KCNMA1: variants seen among roughly 807,000 people sequenced by gnomAD.
The protein encoded by KCNMA1 is Calcium-activated potassium channel subunit alpha-1.
In KCNMA1, 29 loss-of-function variants were observed where a neutral mutation model predicts 140.0. The observed-to-expected ratio is 0.21, with a 90% CI of 0.15 to 0.28. The LOEUF (loss-of-function observed/expected upper bound fraction) is 0.28. KCNMA1 is among the 10% of genes least tolerant of loss of function. KCNMA1 has a pLI of 1.00. For synonymous variants in KCNMA1, 612 were observed against 611.9 expected (o/e 1.00, Z 0.00); for missense variants, 880 against 1,602.2 (o/e 0.55, Z 7.70).
chr10:77,521,941 C>G (rs1373858891), intron 1 of KCNMA1, among the ~76,000 whole-genome samples: 1 of 152,018 alleles, frequency 6.6e-6, no homozygotes, highest in African/African-American at 2.4e-5. Flanking sequence ...TTTGGGAGGT[C>G]GAGGCAGGTA....
At chr10:76,887,675 T>C in intron 27 of KCNMA1, 160 bp from the exon 28 acceptor site, 1 of 796,448 alleles carries the variant, frequency 1.3e-6, no homozygotes, top group Non-Finnish European at 2.0e-6. Flanking sequence ...TTTTTCTTGT[T>C]AAATGGAAAC....
chr10:77,136,702 A>T (rs1232749723), intron 5 of KCNMA1, among the ~76,000 whole-genome samples: 2 of 152,188 alleles, frequency 1.3e-5, no homozygotes, highest in African/African-American at 2.4e-5. Context: ...TAAAATGATG[A>T]CAGTGGCCAT....
At chr10:77,320,155 G>A (rs371553850) in intron 2 of KCNMA1, among the ~76,000 whole-genome samples, 4 of 152,126 alleles carry the variant, frequency 2.6e-5, no homozygotes, top group African/African-American at 4.8e-5. Flanking sequence ...CTTACTCCAT[G>A]AGACTCATCA....
chr10:76,895,496 T>C (rs1403428664), intron 25 of KCNMA1, among the ~76,000 whole-genome samples: 4 of 152,232 alleles, frequency 2.6e-5, no homozygotes, highest in Non-Finnish European at 4.4e-5. Flanking sequence ...CAGATGTTTA[T>C]AGCAGCATTA....
chr10:77,531,388 A>G (rs2057573757), intron 1 of KCNMA1, among the ~76,000 whole-genome samples: 1 of 152,224 alleles, frequency 6.6e-6, no homozygotes, highest in African/African-American at 2.4e-5. Flanking sequence ...ACTGAAATGG[A>G]CAGAAGGAGA....
intron 2 of KCNMA1, among the ~76,000 whole-genome samples, chr10:77,325,605 T>G (rs939264831): frequency 2.6e-4 from 40 of 152,324 alleles, no homozygotes; most frequent in African/African-American, 8.9e-4. Flanking sequence ...GCATTTCCCA[T>G]GGATGCCCAC....
intron 23 of KCNMA1, among the ~76,000 whole-genome samples, chr10:76,943,898 T>C (rs55954662): frequency 6.6e-6 from 1 of 152,236 alleles, no homozygotes; most frequent in Non-Finnish European, 1.5e-5. Context: ...CCAGTAGCCA[T>C]AGCTCTCATG....
intron 1 of KCNMA1, among the ~76,000 whole-genome samples, chr10:77,487,652 C>G (rs1374009978): frequency 6.6e-6 from 1 of 152,202 alleles, no homozygotes; most frequent in East Asian, 1.9e-4. Context: ...GGCAATTTTT[C>G]TCTTTTTATC....
chr10:77,563,322 G>T (rs535075771), intron 1 of KCNMA1, among the ~76,000 whole-genome samples: 1 of 152,068 alleles, frequency 6.6e-6, no homozygotes, highest in Admixed American at 6.5e-5. Context: ...ATACTTAAAA[G>T]AACCGCATAG....
chr10:77,053,342 T>G (rs1198152615), intron 14 of KCNMA1, among the ~76,000 whole-genome samples: 1 of 152,200 alleles, frequency 6.6e-6, no homozygotes, highest in African/African-American at 2.4e-5. Flanking sequence ...GAAAGAATAG[T>G]CAGCAAATCT....
intron 1 of KCNMA1, among the ~76,000 whole-genome samples, chr10:77,460,648 T>C (rs1340451098): frequency 3.3e-5 from 5 of 152,036 alleles, no homozygotes; most frequent in African/African-American, 1.2e-4. Flanking sequence ...TTATCCTAAG[T>C]GAACTAACTC....
At chr10:77,014,862 C>T (rs545433279) in intron 17 of KCNMA1, among the ~76,000 whole-genome samples, 2 of 152,280 alleles carry the variant, frequency 1.3e-5, no homozygotes, top group Non-Finnish European at 2.9e-5. Context: ...CCCATCTTTG[C>T]CTCTGTCATG....
At position 76,884,931 on chromosome 10, in the gene KCNMA1, G is replaced by C. The variant is rs202038727; in HGVS notation, c.*2335C>G. 6.6e-7 allele frequency: 1 copy of C among 1,509,150 alleles called. No individual in the cohort carries two copies. Among genetic ancestry groups the C allele is most frequent in the South Asian group, 1.3e-5 (1 of 74,848 alleles). 93.5% of individuals were successfully genotyped at this position (1,509,150 alleles called of 1,614,324 possible). ...TCACAAAAGTTTTCACAAGGACAAC[G>C]TTATAGAAGAAAACCCCCAGCAGTG... is the stretch of plus-strand genomic sequence containing the variant. On this transcript the variant is annotated 3_prime_UTR_variant, in exon 28 of 28. Coordinates refer to ENST00000286628, the MANE Select transcript of KCNMA1 (RefSeq NM_001161352.2).
rs190228796 is a variant in KCNMA1, at chr10:77,454,321, T to C, written c.379-50298A>G. On this transcript the variant is annotated intron_variant, in intron 1 of 27. Transcript: ENST00000286628. The stretch of plus-strand genomic sequence containing the variant: ...ATTTCAAAGTGCCTCTCTAGCTCTG[T>C]GCAAGAGATTTTCTCTTTTTCATTC... 3.9e-5 allele frequency among the ~76,000 whole-genome samples: 6 copies of C among 152,300 alleles called. No homozygotes were observed. In the East Asian group the frequency reaches 1.2e-3, roughly 29 times the overall value.
At chr10:77,014,160 G>A (rs749069484) in intron 17 of KCNMA1, among the ~76,000 whole-genome samples, 7 of 152,124 alleles carry the variant, frequency 4.6e-5, no homozygotes, top group African/African-American at 1.2e-4. Context: ...TGGGTGTGGC[G>A]GCTGACGCCT....
intron 24 of KCNMA1, chr10:76,910,537 T>C (rs1045772434): frequency 7.0e-6 from 2 of 285,736 alleles, no homozygotes; most frequent in Admixed American, 9.5e-5. Flanking sequence ...TAAAGAGCGC[T>C]GGAAGGGGAG....
chr10:77,445,024 A>T (rs1319523032), intron 1 of KCNMA1, among the ~76,000 whole-genome samples: 1 of 152,236 alleles, frequency 6.6e-6, no homozygotes, highest in African/African-American at 2.4e-5. Flanking sequence ...CTGAGGTTGC[A>T]TGAGTGCCTA....
Position 77,371,676 on chromosome 10 carries a change from C to A in KCNMA1, c.540+32186G>T, listed in dbSNP as rs533313753. 8.5e-5 allele frequency among the ~76,000 whole-genome samples: 13 copies of A among 152,292 alleles called. No individual in the cohort carries two copies. The East Asian group carries it at 2.5e-3, about 29-fold the overall frequency. On this transcript the variant is annotated intron_variant, in intron 2 of 27. Coordinates refer to ENST00000286628, the MANE Select transcript of KCNMA1 (RefSeq NM_001161352.2). ...CCCCTCATTGCAACCTCACCATTCC[C>A]TATCAACCTCTGAGTTTTCCACCCC...
At chr10:76,924,278 T>C (rs898623021) in intron 23 of KCNMA1, among the ~76,000 whole-genome samples, 1 of 152,060 alleles carries the variant, frequency 6.6e-6, no homozygotes, top group Admixed American at 6.5e-5. Flanking sequence ...GACAGAAAAA[T>C]GGTCATGATA....
Sources: allele counts gnomAD v4.1 joint callset (sites outside exome capture counted in the v4.1 genomes callset), GRCh38; gene constraint gnomAD v4.1.1; transcripts MANE v1.5; gene names NCBI Gene and HGNC (gene_info 2026-07-23, HGNC 2026-07-21).